Variants in PTPRR observed in about 807,000 individuals in gnomAD.
PTPRR encodes receptor-type tyrosine-protein phosphatase R.
Under a neutral mutation model 77.2 loss-of-function variants are expected in PTPRR, and 38 were observed. The observed-to-expected ratio is 0.49, with a 90% CI of 0.38 to 0.65. The LOEUF (loss-of-function observed/expected upper bound fraction) is 0.65. Among genes scored for constraint, PTPRR ranks in the 30% least tolerant of loss-of-function variants. The pLI is 0.00. For missense variants in PTPRR, 744 were observed against 799.2 expected (o/e 0.93, Z 0.83); for synonymous variants, 299 against 283.1 (o/e 1.06, Z -0.57).
chr12:70,808,173 C>T (rs1021290284), intron 2 of PTPRR, among the ~76,000 whole-genome samples: 1 of 152,106 alleles, frequency 6.6e-6, no homozygotes, highest in African/African-American at 2.4e-5. Context: ...CTGCAGCACC[C>T]CCAGGCTTGC....
At chr12:70,862,515 T>C (rs1175334774) in intron 2 of PTPRR, among the ~76,000 whole-genome samples, 1 of 143,142 alleles carries the variant, frequency 7.0e-6, no homozygotes, top group African/African-American at 2.6e-5. Context: ...CCGCATATTC[T>C]CACTCATAGG....
chr12:70,704,719 CATATAAACTT>C, intron 6 of PTPRR, among the ~76,000 whole-genome samples: 2 of 151,824 alleles, frequency 1.3e-5, no homozygotes, highest in East Asian at 1.9e-4. Flanking sequence ...ACAAGATAAA[CATATAAACTT>C]ATGGGAAAAT....
chr12:70,817,104 T>G (rs771573274), intron 2 of PTPRR, among the ~76,000 whole-genome samples: 1 of 152,198 alleles, frequency 6.6e-6, no homozygotes, highest in Admixed American at 6.5e-5. Flanking sequence ...TGTGTTATAC[T>G]TTTTAATTCA....
chr12:70,910,310 TG>T lies in PTPRR; in HGVS notation c.58+10022del, dbSNP rs1893681951. Reference sequence around the variant, plus strand: ...AGGTAGTCAAATCCTAGAGCCCAAATGTTTTTTTGTTTGTTTGTTTTTATTG... The same window carrying T: ...AGGTAGTCAAATCCTAGAGCCCAAATTTTTTTTGTTTGTTTGTTTTTATTG... On this transcript the variant is annotated intron_variant, in intron 1 of 13. Coordinates refer to ENST00000283228, the MANE Select transcript of PTPRR (RefSeq NM_002849.4). Among the ~76,000 whole-genome samples the T allele has an allele frequency of 2.0e-5, 3 of 152,240 alleles. No homozygotes were observed. The South Asian group carries it at 6.2e-4, about 32-fold the overall frequency.
In PTPRR at chr12:70,741,348, T is replaced by C. The variant is rs192103754; in HGVS notation, c.1007+4470A>G. On this transcript the variant is annotated intron_variant, in intron 6 of 13. Transcript: ENST00000283228. ...CTGTATGCACACTGGGTTATGGAAC[T>C]AAAGCAGCGGGGAGCCTCCATACAG... 7.2e-5 allele frequency among the ~76,000 whole-genome samples: 11 copies of C among 152,252 alleles called. No homozygotes were observed. The East Asian group carries it at 2.1e-3, about 29-fold the overall frequency.
At chr12:70,716,237 T>A (rs1889024061) in intron 6 of PTPRR, among the ~76,000 whole-genome samples, 1 of 152,008 alleles carries the variant, frequency 6.6e-6, no homozygotes, top group South Asian at 2.1e-4. Flanking sequence ...TAGAAAACAC[T>A]CAGATTGGGT....
chr12:70,917,947 G>A (rs1352300092), intron 1 of PTPRR, among the ~76,000 whole-genome samples: 2 of 152,206 alleles, frequency 1.3e-5, no homozygotes, highest in Non-Finnish European at 2.9e-5. Context: ...TACAGTTAAA[G>A]AGGCCTGAAT....
intron 10 of PTPRR, among the ~76,000 whole-genome samples, chr12:70,675,222 T>C (rs975975200): frequency 1.3e-4 from 20 of 152,188 alleles, no homozygotes; most frequent in Non-Finnish European, 1.0e-4. Flanking sequence ...AGGCAGCATT[T>C]AACTGAATTT....
At chr12:70,731,425 C>G (rs1482017442) in intron 6 of PTPRR, among the ~76,000 whole-genome samples, 1 of 152,198 alleles carries the variant, frequency 6.6e-6, no homozygotes, top group Non-Finnish European at 1.5e-5. Flanking sequence ...TCTGAGACCT[C>G]TCTCTAGATT....
chr12:70,894,929 G>C (rs530099303), intron 1 of PTPRR, among the ~76,000 whole-genome samples: 15 of 151,700 alleles, frequency 9.9e-5, no homozygotes, highest in Non-Finnish European at 1.8e-4. Context: ...ATGATGATTA[G>C]TTTCCATTAC....
chr12:70,783,869 G>C (rs776974250), intron 2 of PTPRR, among the ~76,000 whole-genome samples: 7 of 115,370 alleles, frequency 6.1e-5, no homozygotes, highest in African/African-American at 1.2e-4. Flanking sequence ...GGGACGGGGG[G>C]GGGGGGCGGG....
rs1321239549 is a variant in PTPRR at position 70,701,338 on chromosome 12, AATGTT to A, written c.1008-20_1008-16del. The A allele has an allele frequency of 6.2e-7, 1 of 1,609,372 alleles. No homozygotes were observed. Reference sequence around the variant, plus strand: ...TGGACCCTCTTCTACATTGGAGAAGAATGTTATGTTTAAACACCACATACTTATTT... The same window carrying A: ...TGGACCCTCTTCTACATTGGAGAAGAATGTTTAAACACCACATACTTATTT... On this transcript the variant is annotated splice_polypyrimidine_tract_variant and intron_variant, in intron 6 of 13. Transcript: ENST00000283228.
chr12:70,805,040 C>G (rs1241558668), intron 2 of PTPRR, among the ~76,000 whole-genome samples: 1 of 152,048 alleles, frequency 6.6e-6, no homozygotes, highest in Non-Finnish European at 1.5e-5. Context: ...TCCTTTATAT[C>G]ATTAATTTTT....
intron 12 of PTPRR, among the ~76,000 whole-genome samples, chr12:70,659,054 C>T (rs1230986182): frequency 6.6e-6 from 1 of 151,814 alleles, no homozygotes; most frequent in African/African-American, 2.4e-5. Flanking sequence ...AGGCACATTC[C>T]ACCACGCCTG....
At chr12:70,643,889 G>T (rs1886101533) in intron 13 of PTPRR, among the ~76,000 whole-genome samples, 1 of 151,942 alleles carries the variant, frequency 6.6e-6, no homozygotes, top group African/African-American at 2.4e-5. Context: ...CAAGTAGCTG[G>T]GACTACAGGT....
In PTPRR at chr12:70,784,911, T is replaced by C. The variant is rs144643832; in HGVS notation, c.358-20133A>G. ...GTTTACAGTTACTGATTATTACACTTGTCAAGGAGCTTTCACCAAAAGTCA... is the reference window on the plus strand; with the variant it reads ...GTTTACAGTTACTGATTATTACACTCGTCAAGGAGCTTTCACCAAAAGTCA... On this transcript the variant is annotated intron_variant, in intron 2 of 13. Coordinates refer to ENST00000283228, the MANE Select transcript of PTPRR (RefSeq NM_002849.4). Among the ~76,000 whole-genome samples, 13 of 152,322 alleles carry C rather than the reference T, an allele frequency of 8.5e-5. No individual in the cohort carries two copies. The East Asian group carries it at 2.5e-3, about 29-fold the overall frequency.
Position 70,718,827 on chromosome 12 carries a change from C to G in PTPRR, c.1008-17504G>C, listed in dbSNP as rs1481705024. 2.0e-5 allele frequency among the ~76,000 whole-genome samples: 3 copies of G among 152,276 alleles called. No individual in the cohort carries two copies. The East Asian group carries it at 5.8e-4, about 29-fold the overall frequency. ...GAATACATAAATTTACAGATTGAAACATATTTATACCATTTTGCACATGCT... is the reference window on the plus strand; with the variant it reads ...GAATACATAAATTTACAGATTGAAAGATATTTATACCATTTTGCACATGCT... On this transcript the variant is annotated intron_variant, in intron 6 of 13. Coordinates refer to ENST00000283228, the MANE Select transcript of PTPRR (RefSeq NM_002849.4).
In PTPRR at chr12:70,701,204, C is replaced by T. The variant is rs777721053; in HGVS notation, c.1127G>A (p.Arg376Gln). 33 of 1,613,798 alleles carry T rather than the reference C, an allele frequency of 2.0e-5. No homozygotes were observed. Among genetic ancestry groups the T allele is most frequent in the South Asian group, 2.0e-4 (18 of 91,072 alleles). ...VAMEYLQSAS[R>Q]ILTRSQLRDV... ...CCTCAGCTGAGACCTTGTGAGAATT[C>T]GGCTGGCTGACTGCAGATACTCCAT... The change falls in exon 7 of 14, where the codon CGA becomes CAA. Residue 376 changes from arginine to glutamine, a missense_variant. Coordinates refer to ENST00000283228, the MANE Select transcript of PTPRR (RefSeq NM_002849.4).
intron 12 of PTPRR, among the ~76,000 whole-genome samples, chr12:70,659,057 C>A (rs1483094380): frequency 6.6e-6 from 1 of 151,826 alleles, no homozygotes; most frequent in Non-Finnish European, 1.5e-5. Context: ...CACATTCCAC[C>A]ACGCCTGGCT....
Sources: allele counts gnomAD v4.1 joint callset (sites outside exome capture counted in the v4.1 genomes callset), GRCh38; gene constraint gnomAD v4.1.1; transcripts MANE v1.5; gene names NCBI Gene and HGNC (gene_info 2026-07-23, HGNC 2026-07-21).